MAML2: variants seen among roughly 807,000 people sequenced by gnomAD.
MAML2 encodes the protein mastermind like transcriptional coactivator 2.
MAML2 carries 22 observed loss-of-function variants against 96.1 expected under a neutral mutation model. That is an observed-to-expected ratio of 0.23 (90% CI 0.16 to 0.33). MAML2 has a LOEUF of 0.33. Ranked by LOEUF, MAML2 falls within the 10% of genes least tolerant of loss-of-function variation. The pLI is 1.00. For missense variants in MAML2, 1,367 were observed against 1,392.4 expected, an observed-to-expected ratio of 0.98 and a Z score of 0.29; for synonymous variants, 561 against 521.3, an observed-to-expected ratio of 1.08 and a Z score of -1.04.
At chr11:95,993,743 G>A (rs1857950741) in intron 2 of MAML2, among the ~76,000 whole-genome samples, 1 of 152,204 alleles carries the variant, frequency 6.6e-6, no homozygotes, top group Non-Finnish European at 1.5e-5. Context: ...CAAGCCGAAA[G>A]CCTTGGCCTT....
intron 2 of MAML2, among the ~76,000 whole-genome samples, chr11:96,009,842 T>G (rs1273904914): frequency 6.6e-6 from 1 of 152,190 alleles, no homozygotes; most frequent in Non-Finnish European, 1.5e-5. Flanking sequence ...CTACTAGAAA[T>G]ATTGCCCAAG....
chr11:96,057,012 G>A (rs1859080883), intron 2 of MAML2, among the ~76,000 whole-genome samples: 1 of 152,196 alleles, frequency 6.6e-6, no homozygotes. Flanking sequence ...CAATGATCTA[G>A]TTTCACCTTC....
chr11:96,279,768 A>AGGAG (rs1863040271), intron 1 of MAML2, among the ~76,000 whole-genome samples: 1 of 152,130 alleles, frequency 6.6e-6, no homozygotes, highest in Non-Finnish European at 1.5e-5. Context: ...CTTTAAAGCC[A>AGGAG]CCCTCCTGAG....
chr11:96,170,149 T>C (rs996965093), intron 1 of MAML2, among the ~76,000 whole-genome samples: 1 of 152,220 alleles, frequency 6.6e-6, no homozygotes, highest in Non-Finnish European at 1.5e-5. Context: ...TGTGCTACAG[T>C]GCACCTGCCC....
chr11:96,044,337 G>T (rs1299159460), intron 2 of MAML2, among the ~76,000 whole-genome samples: 1 of 152,184 alleles, frequency 6.6e-6, no homozygotes, highest in Admixed American at 6.5e-5. Context: ...CAACCTATTT[G>T]TCATGACATG....
At position 96,342,969 on chromosome 11, in the gene MAML2, C is replaced by G; in HGVS notation, c.-1074G>C. 2.6e-6 allele frequency: 1 copy of G among 386,414 alleles called. No individual in the cohort carries two copies. Among genetic ancestry groups the G allele is most frequent in the Non-Finnish European group, 4.6e-6 (1 of 218,858 alleles). The allele number at this position is 386,414 out of a possible 1,614,324, so 23.9% of individuals were successfully genotyped here. On this transcript the variant is annotated 5_prime_UTR_variant, in exon 1 of 5. Transcript: ENST00000524717. ...ACTTTTCTGTCCACTTTTGTACATT[C>G]CATCCCCGGCCAGTGGATCTGAGGG... is the stretch of plus-strand genomic sequence containing the variant.
intron 1 of MAML2, among the ~76,000 whole-genome samples, chr11:96,181,260 G>C (rs1351931570): frequency 6.6e-6 from 1 of 152,148 alleles, no homozygotes; most frequent in East Asian, 1.9e-4. Context: ...GAAGAAGGCA[G>C]ACACACCTCC....
intron 1 of MAML2, among the ~76,000 whole-genome samples, chr11:96,167,375 C>T (rs11021455): frequency 6.6e-6 from 1 of 152,182 alleles, no homozygotes; most frequent in East Asian, 1.9e-4. Flanking sequence ...TTCCTTCACA[C>T]TAATCCACTT....
chr11:96,208,663 T>C (rs990801756), intron 1 of MAML2, among the ~76,000 whole-genome samples: 2 of 152,180 alleles, frequency 1.3e-5, no homozygotes, highest in Admixed American at 6.5e-5. Flanking sequence ...TAAAGTTCTT[T>C]AACACCCCCC....
chr11:96,312,027 C>T lies in MAML2; in HGVS notation c.513+29356G>A, dbSNP rs550106481. ...AGGCCGAGGCAGGTTCAAAACCAGC[C>T]TGGCCAACATGGTGAAACCCTGTCT... On this transcript the variant is annotated intron_variant, in intron 1 of 4. Transcript: ENST00000524717. 2.0e-5 allele frequency among the ~76,000 whole-genome samples: 3 copies of T among 151,942 alleles called. No homozygotes were observed. In the South Asian group the frequency reaches 6.2e-4, roughly 32 times the overall value.
At chr11:96,150,980 T>C (rs1287702557) in intron 1 of MAML2, among the ~76,000 whole-genome samples, 1 of 152,204 alleles carries the variant, frequency 6.6e-6, no homozygotes, top group East Asian at 1.9e-4. Context: ...AAATGTATAC[T>C]TTAACAAACT....
intron 1 of MAML2, among the ~76,000 whole-genome samples, chr11:96,309,759 G>A (rs555119792): frequency 1.1e-4 from 17 of 149,898 alleles, no homozygotes; most frequent in African/African-American, 3.9e-4. Context: ...GTGCAGTGGT[G>A]CAGTCACGGC....
chr11:96,201,030 TTC>T (rs1470533657), intron 1 of MAML2, among the ~76,000 whole-genome samples: 5 of 152,304 alleles, frequency 3.3e-5, no homozygotes, highest in Non-Finnish European at 7.4e-5. Flanking sequence ...AAAAAAAAGC[TTC>T]TGTTTTTTAA....
intron 2 of MAML2, among the ~76,000 whole-genome samples, chr11:96,075,377 C>T (rs1420905588): frequency 6.6e-6 from 1 of 152,142 alleles, no homozygotes; most frequent in East Asian, 1.9e-4. Flanking sequence ...TTTTGTTCTC[C>T]TTTAGAGAAG....
intron 1 of MAML2, among the ~76,000 whole-genome samples, chr11:96,301,722 C>A (rs1028971545): frequency 2.0e-5 from 3 of 152,074 alleles, no homozygotes; most frequent in African/African-American, 7.2e-5. Context: ...TTAATAAATC[C>A]AAAGGAGAGA....
At chr11:96,041,089 T>C (rs916272745) in intron 2 of MAML2, among the ~76,000 whole-genome samples, 5 of 152,198 alleles carry the variant, frequency 3.3e-5, no homozygotes, top group Non-Finnish European at 5.9e-5. Context: ...GGGTATTTTC[T>C]AGTTGCTGGC....
At chr11:96,010,367 G>A (rs890379001) in intron 2 of MAML2, among the ~76,000 whole-genome samples, 1 of 152,174 alleles carries the variant, frequency 6.6e-6, no homozygotes, top group Non-Finnish European at 1.5e-5. Flanking sequence ...AGAAGATACA[G>A]GGGCAGATTG....
chr11:96,208,304 TTTA>T (rs1348975851), intron 1 of MAML2, among the ~76,000 whole-genome samples: 1 of 152,210 alleles, frequency 6.6e-6, no homozygotes, highest in Admixed American at 6.5e-5. Context: ...GCACCTGCTT[TTTA>T]TTATTTCAGT....
At chr11:96,041,670 CAA>C (rs1307622860) in intron 2 of MAML2, among the ~76,000 whole-genome samples, 2 of 151,710 alleles carry the variant, frequency 1.3e-5, no homozygotes, top group Non-Finnish European at 2.9e-5. Context: ...CTCCATCAGG[CAA>C]GAGTGTGCCT....
Sources: gnomAD v4.1 joint callset for allele counts (sites outside exome capture counted in the v4.1 genomes callset) on GRCh38, gnomAD v4.1.1 for gene constraint, MANE v1.5 for transcripts, NCBI Gene and HGNC (gene_info 2026-07-23, HGNC 2026-07-21) for gene names.